Variants in DPP6 observed in about 807,000 individuals in gnomAD.
The protein encoded by DPP6 is A-type potassium channel modulatory protein DPP6.
A neutral mutation model predicts 122.6 loss-of-function variants in DPP6; 69 were observed. The ratio of observed to expected loss-of-function variants is 0.56; its 90% CI spans 0.46 to 0.69. The LOEUF (loss-of-function observed/expected upper bound fraction) is 0.69, where lower values mean the gene tolerates loss of function less well. DPP6 is among the 30% of genes least tolerant of loss of function. The pLI is 0.00. For synonymous variants in DPP6, 418 were observed against 433.1 expected (o/e 0.97, Z 0.43); for missense variants, 928 against 1,116.9 (o/e 0.83, Z 2.41).
chr7:154,611,918 T>C (rs1586730812), intron 5 of DPP6, among the ~76,000 whole-genome samples: 1 of 152,168 alleles, frequency 6.6e-6, no homozygotes, highest in African/African-American at 2.4e-5. Context: ...TCTTATTATA[T>C]GTGTAGGTTT....
intron 1 of DPP6, among the ~76,000 whole-genome samples, chr7:154,157,504 G>T (rs201828063): frequency 7.2e-5 from 11 of 152,088 alleles, no homozygotes; most frequent in South Asian, 6.2e-4. Context: ...TTGGCTCATA[G>T]TGACAAAAAC....
chr7:154,157,081 T>G (rs1363339112), intron 1 of DPP6, among the ~76,000 whole-genome samples: 2 of 152,270 alleles, frequency 1.3e-5, no homozygotes, highest in Non-Finnish European at 2.9e-5. Flanking sequence ...TTCTTTCAAA[T>G]GGAAGATTTG....
intron 16 of DPP6, among the ~76,000 whole-genome samples, chr7:154,842,976 G>C (rs1029404291): frequency 2.0e-5 from 3 of 152,210 alleles, no homozygotes; most frequent in African/African-American, 7.2e-5. Context: ...GAATCCTAGT[G>C]AACACGTTTT....
chr7:154,127,925 G>A (rs1808056604), intron 1 of DPP6, among the ~76,000 whole-genome samples: 1 of 150,914 alleles, frequency 6.6e-6, no homozygotes, highest in Non-Finnish European at 1.5e-5. Flanking sequence ...ACAGAGAGAA[G>A]CTGAAATCTT....
chr7:154,450,908 T>G (rs980157406), intron 2 of DPP6, among the ~76,000 whole-genome samples: 2 of 152,220 alleles, frequency 1.3e-5, no homozygotes, highest in African/African-American at 4.8e-5. Flanking sequence ...TTGTGCTTTG[T>G]GTAAGAACAT....
intron 5 of DPP6, among the ~76,000 whole-genome samples, chr7:154,636,021 T>C (rs1347505498): frequency 6.6e-6 from 1 of 152,184 alleles, no homozygotes; most frequent in African/African-American, 2.4e-5. Context: ...ATCTCTTCTC[T>C]TCTCTCTCCT....
intron 10 of DPP6, among the ~76,000 whole-genome samples, chr7:154,787,125 C>T (rs1048044069): frequency 1.1e-4 from 16 of 152,186 alleles, no homozygotes; most frequent in African/African-American, 3.9e-4. Flanking sequence ...AATCTACTAA[C>T]TTAAGTTGGA....
At chr7:154,772,806 G>C (rs1403616770) in intron 9 of DPP6, 39 bp from the exon 10 acceptor site, 6 of 1,594,548 alleles carry the variant, frequency 3.8e-6, no homozygotes, top group Non-Finnish European at 5.1e-6. Flanking sequence ...TCTTGTATAA[G>C]GCTGCTTGTT....
intron 7 of DPP6, among the ~76,000 whole-genome samples, chr7:154,709,932 G>T (rs1264513079): frequency 2.0e-5 from 3 of 152,198 alleles, no homozygotes; most frequent in African/African-American, 7.2e-5. Flanking sequence ...CCCATCAGGG[G>T]CCATGTGTGG....
chr7:154,883,475 TACACATGCTCTC>T (rs1391661878), intron 21 of DPP6: 1 of 119,246 alleles, frequency 8.4e-6, no homozygotes, highest in Non-Finnish European at 1.7e-5. Context: ...TGTTCACACA[TACACATGCTCTC>T]ACACATGCTC....
chr7:154,870,921 C>T (rs1402956740), intron 18 of DPP6, among the ~76,000 whole-genome samples: 1 of 144,042 alleles, frequency 6.9e-6, no homozygotes, highest in African/African-American at 2.6e-5. Context: ...TGAGATCGCA[C>T]TACTGTACTC....
At chr7:153,852,695 G>A in the DPP6 span, among the ~76,000 whole-genome samples, 1 of 152,140 alleles carries the variant, frequency 6.6e-6, no homozygotes, top group Non-Finnish European at 1.5e-5. Context: ...GTTTATGTCT[G>A]TGCTTATTTA....
At chr7:153,854,801 C>T in the DPP6 span, among the ~76,000 whole-genome samples, 49 of 93,940 alleles carry the variant, frequency 5.2e-4, no homozygotes, top group East Asian at 0.011. Flanking sequence ...ATGTTTATTG[C>T]GGCATTATTC....
At chr7:154,342,261 C>G (rs148858584) in intron 1 of DPP6, among the ~76,000 whole-genome samples, 27 of 152,230 alleles carry the variant, frequency 1.8e-4, no homozygotes, top group Non-Finnish European at 3.7e-4. Flanking sequence ...GTGGGCACAG[C>G]ATGGAAAGGA....
the DPP6 span, among the ~76,000 whole-genome samples, chr7:153,805,956 C>A: frequency 1.3e-5 from 2 of 151,660 alleles, no homozygotes; most frequent in African/African-American, 4.9e-5. Context: ...GCATATGTAA[C>A]AAACCTGCAT....
chr7:153,817,007 G>A, the DPP6 span, among the ~76,000 whole-genome samples: 1 of 150,714 alleles, frequency 6.6e-6, no homozygotes, highest in Non-Finnish European at 1.5e-5. Flanking sequence ...CCCATATGGG[G>A]AAACATAAAA....
intron 1 of DPP6, among the ~76,000 whole-genome samples, chr7:154,269,263 T>C (rs1803638140): frequency 6.6e-6 from 1 of 152,144 alleles, no homozygotes; most frequent in Admixed American, 6.5e-5. Context: ...GGAAAGGAGT[T>C]CCACTTAAAT....
intron 3 of DPP6, among the ~76,000 whole-genome samples, chr7:154,521,595 TATG>T (rs1390773082): frequency 6.6e-6 from 1 of 152,220 alleles, no homozygotes; most frequent in Non-Finnish European, 1.5e-5. Context: ...TCTCAGATCT[TATG>T]ATTAAAAATT....
At chr7:154,261,306 A>G (rs553461337) in intron 1 of DPP6, among the ~76,000 whole-genome samples, 2 of 152,186 alleles carry the variant, frequency 1.3e-5, no homozygotes, top group Non-Finnish European at 2.9e-5. Context: ...GCACGCCAAC[A>G]TTTATTTGCT....
Sources: gnomAD v4.1 joint callset for allele counts (sites outside exome capture counted in the v4.1 genomes callset) on GRCh38, gnomAD v4.1.1 for gene constraint, MANE v1.5 for transcripts, NCBI Gene and HGNC (gene_info 2026-07-23, HGNC 2026-07-21) for gene names.